ACER1: variants seen among roughly 807,000 people sequenced by gnomAD.
The protein encoded by ACER1 is alkaline ceramidase 1, also known as CTB-180A7.3.
ACER1 carries 28 observed loss-of-function variants against 24.9 expected under a neutral mutation model. The observed-to-expected ratio is 1.13, with a 90% CI of 0.83 to 1.54. The LOEUF is 1.54. Ranked by LOEUF, ACER1 falls within the 40% of genes most tolerant of loss-of-function variation. The pLI, the probability that ACER1 is intolerant of heterozygous loss-of-function variation, is 0.00. For missense variants in ACER1, 352 were observed against 349.3 expected (o/e 1.01, Z -0.06); for synonymous variants, 132 against 131.4 (o/e 1.00, Z -0.03).
chr19:6,336,819 CAAAAAAAA>C (rs57500077), upstream of ACER1, among the ~76,000 whole-genome samples: 1 of 67,774 alleles, frequency 1.5e-5, no homozygotes, highest in Non-Finnish European at 3.2e-5. Flanking sequence ...GACCCCGACT[CAAAAAAAA>C]AAAAAAAAAA....
chr19:6,312,527 GCTCGTCA>G, intron 1 of ACER1, 28 bp from the exon 2 acceptor site: 1 of 1,584,288 alleles, frequency 6.3e-7, no homozygotes, highest in Non-Finnish European at 8.7e-7. Context: ...ATAGGGAGGA[GCTCGTCA>G]GATAGGGGAG....
At chr19:6,350,318 T>G in the ACER1 span, among the ~76,000 whole-genome samples, 6 of 151,590 alleles carry the variant, frequency 4.0e-5, no homozygotes, top group Non-Finnish European at 8.8e-5. Flanking sequence ...ATATAAAAAA[T>G]TAGCTGGCAC....
chr19:6,347,109 A>AAAAAAAATATATATATATATAT, the ACER1 span, among the ~76,000 whole-genome samples: 5 of 113,818 alleles, frequency 4.4e-5, no homozygotes, highest in African/African-American at 2.5e-4. Context: ...AAAAAAAAAA[A>AAAAAAAATATATATATATATAT]ATATATATAT....
chr19:6,349,054 AAGAAGAAGAAGG>A, the ACER1 span, among the ~76,000 whole-genome samples: 118 of 150,824 alleles, frequency 7.8e-4, 1 homozygote, highest in Non-Finnish European at 1.4e-3. Context: ...AGACTCCATC[AAGAAGAAGAAGG>A]AGAAGAAGAA....
chr19:6,318,868 A>G (rs1323169844), intron 1 of ACER1, among the ~76,000 whole-genome samples: 1 of 150,368 alleles, frequency 6.7e-6, no homozygotes, highest in Non-Finnish European at 1.5e-5. Context: ...AAAAAAAAAG[A>G]AAACAAAGAT....
upstream of ACER1, chr19:6,333,769 A>G (rs1216585005): frequency 2.0e-6 from 1 of 496,484 alleles, no homozygotes; most frequent in East Asian, 3.3e-5. Flanking sequence ...GGCACTGTCC[A>G]GGCAGGGCAG....
At chr19:6,351,929 G>A in the ACER1 span, among the ~76,000 whole-genome samples, 2 of 150,480 alleles carry the variant, frequency 1.3e-5, no homozygotes, top group Non-Finnish European at 3.0e-5. Flanking sequence ...GGTGGTGGGC[G>A]CCTGTCGTCC....
chr19:6,307,203 C>A lies in ACER1; in HGVS notation c.576G>T (p.Leu192=), dbSNP rs200172124. 1.3e-4 allele frequency: 210 copies of A among 1,613,996 alleles called. 1 individual carries two copies. The highest frequency in any genetic ancestry group is 1.7e-4 in the Non-Finnish European group (206 of 1,180,044). The part of the protein sequence containing the change: ...VALTSWISDR[L]LCSFWQRIHF... ...GAATCCTCTGCCAGAAGCTGCAAAGCAGACGGTCACTGATCCAGCTGGTCA... is the reference window on the plus strand; with the variant it reads ...GAATCCTCTGCCAGAAGCTGCAAAGAAGACGGTCACTGATCCAGCTGGTCA... The change falls in exon 5 of 6, where the codon CTG becomes CTT. Residue 192 remains leucine, a synonymous_variant. Coordinates refer to ENST00000301452, the MANE Select transcript of ACER1 (RefSeq NM_133492.3).
chr19:6,353,675 A>G, the ACER1 span, among the ~76,000 whole-genome samples: 1 of 151,356 alleles, frequency 6.6e-6, no homozygotes, highest in Non-Finnish European at 1.5e-5. Flanking sequence ...AAAATACAAA[A>G]TTAGCCTGGC....
At chr19:6,312,061 T>G in intron 3 of ACER1, 88 bp downstream of exon 3, 1 of 1,493,404 alleles carries the variant, frequency 6.7e-7, no homozygotes. Context: ...GGGTCAAGGG[T>G]GGGGACCCAG....
At chr19:6,325,111 G>T (rs1223544072) in intron 1 of ACER1, among the ~76,000 whole-genome samples, 1 of 152,026 alleles carries the variant, frequency 6.6e-6, no homozygotes, top group Non-Finnish European at 1.5e-5. Context: ...CTGCCCATCT[G>T]CCAAATGCCA....
chr19:6,313,399 T>C (rs140535491), intron 1 of ACER1, among the ~76,000 whole-genome samples: 72 of 152,336 alleles, frequency 4.7e-4, no homozygotes, highest in Non-Finnish European at 9.0e-4. Flanking sequence ...ATTACAGGTA[T>C]GAACCACTGC....
chr19:6,344,217 C>T, the ACER1 span, among the ~76,000 whole-genome samples: 9 of 151,804 alleles, frequency 5.9e-5, no homozygotes, highest in East Asian at 7.7e-4. Context: ...TGCAGTGAGC[C>T]GAGATTGCGC....
intron 4 of ACER1, 27 bp from the exon 5 acceptor site, chr19:6,307,317 G>A (rs1274811857): frequency 3.7e-6 from 6 of 1,612,508 alleles, no homozygotes; most frequent in Non-Finnish European, 5.1e-6. Context: ...GGGACCAGGG[G>A]CTGGCTCGGA....
At chr19:6,309,947 A>C in intron 3 of ACER1, 113 bp from the exon 4 acceptor site, 14 of 1,355,782 alleles carry the variant, frequency 1.0e-5, no homozygotes, top group Non-Finnish European at 1.4e-5. Context: ...GATTCTGGGG[A>C]GCCCAGATAG....
At position 6,333,548 on chromosome 19, in the gene ACER1, G is replaced by C; in HGVS notation, c.4C>G (p.Pro2Ala). Reference protein sequence around the residue: MPSIFAYQSSEV... With the variant: MASIFAYQSSEV... ...GAGCTCTGATAGGCGAAGATGCTAG[G>C]CATCTTGTCTCAGTGGCCACCACCA... The change falls in exon 1 of 6, where the codon CCT becomes GCT. Residue 2 changes from proline to alanine, a missense_variant. Coordinates refer to ENST00000301452, the MANE Select transcript of ACER1 (RefSeq NM_133492.3). 6.3e-7 allele frequency: 1 copy of C among 1,579,958 alleles called. No individual in the cohort carries two copies. Among genetic ancestry groups the C allele is most frequent in the Non-Finnish European group, 8.6e-7 (1 of 1,161,954 alleles).
chr19:6,327,717 T>C (rs1167426041), intron 1 of ACER1, among the ~76,000 whole-genome samples: 5 of 152,012 alleles, frequency 3.3e-5, no homozygotes, highest in African/African-American at 7.2e-5. Flanking sequence ...TTTCAAATGA[T>C]TGAAAAATTA....
chr19:6,312,202 G>C lies in ACER1; in HGVS notation c.297C>G (p.Gly99=). 1 of 1,614,026 alleles carries C rather than the reference G, an allele frequency of 6.2e-7. No individual in the cohort carries two copies. Among genetic ancestry groups the C allele is most frequent in the Non-Finnish European group, 8.5e-7 (1 of 1,179,928 alleles). Residue 99 remains glycine (G), a synonymous_variant, in exon 3 of 6, where the codon GGC becomes GGG. Coordinates refer to ENST00000301452, the MANE Select transcript of ACER1 (RefSeq NM_133492.3). ...AGCAGCGGGGCATCCATATGCTATA[G>C]CCACTGCCCAGGAGCCACAGGATGG... The part of the protein sequence containing the change: ...EIAILWLLGS[G]YSIWMPRCYF...
the ACER1 span, among the ~76,000 whole-genome samples, chr19:6,358,287 C>T: frequency 3.3e-5 from 5 of 152,146 alleles, no homozygotes; most frequent in Admixed American, 6.6e-5. Context: ...TGCCTGCCAG[C>T]GCTGGCTGCC....
Sources: gnomAD v4.1 joint callset for allele counts (sites outside exome capture counted in the v4.1 genomes callset) on GRCh38, gnomAD v4.1.1 for gene constraint, MANE v1.5 for transcripts, NCBI Gene and HGNC (gene_info 2026-07-23, HGNC 2026-07-21) for gene names.